NFIL3: variants seen among roughly 807,000 people sequenced by gnomAD.
NFIL3 encodes nuclear factor interleukin-3-regulated protein.
A neutral mutation model predicts 10.0 loss-of-function variants in NFIL3; 5 were observed. The ratio of observed to expected loss-of-function variants is 0.50; its 90% CI spans 0.26 to 1.06. The LOEUF (loss-of-function observed/expected upper bound fraction) is 1.06, where lower values mean the gene tolerates loss of function less well. Ranked by LOEUF, NFIL3 falls within the 50% of genes least tolerant of loss-of-function variation. The pLI is 0.13. For missense variants in NFIL3, 436 were observed against 547.6 expected, an observed-to-expected ratio of 0.80 and a Z score of 2.03; for synonymous variants, 202 against 206.5, an observed-to-expected ratio of 0.98 and a Z score of 0.19.
the NFIL3 span, among the ~76,000 whole-genome samples, chr9:91,429,646 G>A: frequency 1.3e-5 from 2 of 151,940 alleles, no homozygotes; most frequent in Admixed American, 1.3e-4. Flanking sequence ...GTGCTTGACC[G>A]CATTTCTGGT....
the NFIL3 span, among the ~76,000 whole-genome samples, chr9:91,458,411 C>T: frequency 6.6e-6 from 1 of 151,994 alleles, no homozygotes; most frequent in Non-Finnish European, 1.5e-5. Flanking sequence ...TCTAAATTGT[C>T]AGATTTATTG....
At chr9:91,452,686 C>T in the NFIL3 span, among the ~76,000 whole-genome samples, 821 of 150,354 alleles carry the variant, frequency 5.5e-3, 3 homozygotes, top group African/African-American at 0.019. Context: ...ACTCAGGAGG[C>T]TGAGGCAGGA....
chr9:91,453,629 A>C, the NFIL3 span, among the ~76,000 whole-genome samples: 1 of 152,048 alleles, frequency 6.6e-6, no homozygotes, highest in Non-Finnish European at 1.5e-5. Context: ...TGTATTTTAA[A>C]GCAGAGACAT....
upstream of NFIL3, among the ~76,000 whole-genome samples, chr9:91,425,824 A>G (rs1833867225): frequency 1.3e-5 from 2 of 152,114 alleles, no homozygotes; most frequent in Non-Finnish European, 2.9e-5. Context: ...AAACCTTACA[A>G]TGCTTATTTG....
At chr9:91,432,321 A>G in the NFIL3 span, among the ~76,000 whole-genome samples, 1 of 152,160 alleles carries the variant, frequency 6.6e-6, no homozygotes, top group South Asian at 2.1e-4. Flanking sequence ...CCTTGTCCTT[A>G]TAAATGTACT....
At chr9:91,439,660 C>A in the NFIL3 span, among the ~76,000 whole-genome samples, 2 of 152,032 alleles carry the variant, frequency 1.3e-5, no homozygotes, top group Admixed American at 6.5e-5. Flanking sequence ...CATACAAAAT[C>A]TTTATTATGT....
At chr9:91,431,695 T>C in the NFIL3 span, among the ~76,000 whole-genome samples, 1 of 152,200 alleles carries the variant, frequency 6.6e-6, no homozygotes, top group Non-Finnish European at 1.5e-5. Context: ...GTGTCTGTAC[T>C]TGGGCTATGC....
the NFIL3 span, among the ~76,000 whole-genome samples, chr9:91,442,579 G>A: frequency 2.6e-5 from 4 of 152,192 alleles, no homozygotes; most frequent in African/African-American, 9.6e-5. Flanking sequence ...AGCAAGTGCA[G>A]GATCTGGTCA....
chr9:91,432,419 T>A, the NFIL3 span, among the ~76,000 whole-genome samples: 1 of 152,188 alleles, frequency 6.6e-6, no homozygotes, highest in African/African-American at 2.4e-5. Flanking sequence ...CACAGGAGAT[T>A]TGATTCAGGC....
the NFIL3 span, among the ~76,000 whole-genome samples, chr9:91,454,505 A>G: frequency 6.6e-6 from 1 of 152,108 alleles, no homozygotes; most frequent in Non-Finnish European, 1.5e-5. Flanking sequence ...CCATAATTCA[A>G]TTACCCCAAA....
chr9:91,453,162 T>A, the NFIL3 span, among the ~76,000 whole-genome samples: 1 of 152,126 alleles, frequency 6.6e-6, no homozygotes, highest in Non-Finnish European at 1.5e-5. Context: ...TTGATGGTCA[T>A]CTTCTTCCTG....
the NFIL3 span, among the ~76,000 whole-genome samples, chr9:91,474,468 T>C: frequency 6.6e-6 from 1 of 152,196 alleles, no homozygotes; most frequent in Non-Finnish European, 1.5e-5. Flanking sequence ...TGTTCCAGTA[T>C]GTGGTGATTC....
Position 91,410,129 on chromosome 9 carries a change from GC to G in NFIL3, c.605del (p.Ser202ThrfsTer24). The G allele has an allele frequency of 6.2e-7, 1 of 1,614,138 alleles. No homozygotes were observed. The highest frequency in any genetic ancestry group is 8.5e-7 in the Non-Finnish European group (1 of 1,180,026). ...EVSSVEHTQE[S>X]SVQGSCRSPE... is the part of the protein sequence containing the mutation. ...GACTTCTGCAGCTTCCCTGCACAGA[GC>G]TCTCCTGCGTGTGTTCTACTGAGGA... On this transcript the variant is annotated frameshift_variant, in exon 2 of 2. Transcript: ENST00000297689. LOFTEE classifies it low-confidence loss of function (END_TRUNC). This position sits in a 1 kb window ranked among gnomAD's most constrained non-coding sequence, Gnocchi z 5.7.
chr9:91,447,821 A>C, the NFIL3 span, among the ~76,000 whole-genome samples: 1 of 152,206 alleles, frequency 6.6e-6, no homozygotes, highest in Non-Finnish European at 1.5e-5. Flanking sequence ...TTTGATGCAC[A>C]AAAGTTTTTA....
chr9:91,434,920 TA>T, the NFIL3 span, among the ~76,000 whole-genome samples: 4 of 152,184 alleles, frequency 2.6e-5, no homozygotes, highest in Admixed American at 2.6e-4. Flanking sequence ...AACACTTCTC[TA>T]AAGGGTTTCC....
the NFIL3 span, among the ~76,000 whole-genome samples, chr9:91,441,802 A>C: frequency 6.6e-6 from 1 of 152,184 alleles, no homozygotes; most frequent in Non-Finnish European, 1.5e-5. Context: ...CACACAATTT[A>C]TGTTTTTGAT....
At chr9:91,480,479 C>A in the NFIL3 span, among the ~76,000 whole-genome samples, 1 of 152,154 alleles carries the variant, frequency 6.6e-6, no homozygotes, top group African/African-American at 2.4e-5. Flanking sequence ...ACAACTGATT[C>A]TCTATTTAGA....
At chr9:91,416,150 ATCT>A (rs1190919574) in intron 1 of NFIL3, among the ~76,000 whole-genome samples, 6 of 150,648 alleles carry the variant, frequency 4.0e-5, no homozygotes, top group South Asian at 4.2e-4. Context: ...GTCACCTATG[ATCT>A]TCTTCTTTTT....
intron 1 of NFIL3, among the ~76,000 whole-genome samples, chr9:91,420,914 A>T (rs536703916): frequency 2.0e-5 from 3 of 152,272 alleles, no homozygotes; most frequent in East Asian, 1.9e-4. Context: ...GGTTAAAAAA[A>T]ATCGGCTCAA....
Sources: gnomAD v4.1 joint callset for allele counts (sites outside exome capture counted in the v4.1 genomes callset) on GRCh38, gnomAD v4.1.1 for gene constraint, Gnocchi (gnomAD v3.1) non-coding constraint, MANE v1.5 for transcripts, NCBI Gene and HGNC (gene_info 2026-07-23, HGNC 2026-07-21) for gene names.